AFG2A: variants seen among roughly 807,000 people sequenced by gnomAD.
AFG2A encodes ATPase family gene 2 protein homolog A.
chr4:123,054,284 T>A, the AFG2A span, among the ~76,000 whole-genome samples: 705 of 152,204 alleles, frequency 4.6e-3, 2 homozygotes, highest in South Asian at 0.019. Context: ...GGTTTCACAA[T>A]TGTGGATGGA....
At chr4:123,062,385 AT>A in the AFG2A span, among the ~76,000 whole-genome samples, 1 of 152,276 alleles carries the variant, frequency 6.6e-6, no homozygotes, top group South Asian at 2.1e-4. Flanking sequence ...CAGTACTTTG[AT>A]TTTGTTTTTA....
chr4:123,017,527 C>T, the AFG2A span, among the ~76,000 whole-genome samples: 1 of 144,522 alleles, frequency 6.9e-6, no homozygotes, highest in Non-Finnish European at 1.5e-5. Flanking sequence ...TTACTGCTTC[C>T]TAATCTTGCT....
At chr4:123,101,140 T>A in the AFG2A span, among the ~76,000 whole-genome samples, 1 of 151,930 alleles carries the variant, frequency 6.6e-6, no homozygotes, top group Non-Finnish European at 1.5e-5. Flanking sequence ...GCTTTCTTTT[T>A]GAAAAATTGT....
the AFG2A span, among the ~76,000 whole-genome samples, chr4:122,959,396 A>C: frequency 1.8e-4 from 27 of 152,210 alleles, no homozygotes; most frequent in African/African-American, 6.5e-4. Flanking sequence ...AATAATTCTG[A>C]AAAAAAGTCA....
chr4:123,184,532 C>CTTTGTT, the AFG2A span, among the ~76,000 whole-genome samples: 1 of 89,280 alleles, frequency 1.1e-5, no homozygotes, highest in African/African-American at 4.5e-5. Flanking sequence ...ATGATCATTT[C>CTTTGTT]TTTTTTTTTT....
At chr4:123,128,783 T>G in the AFG2A span, among the ~76,000 whole-genome samples, 1 of 152,154 alleles carries the variant, frequency 6.6e-6, no homozygotes, top group African/African-American at 2.4e-5. Flanking sequence ...GACCTGTGTG[T>G]GATTTCTGGG....
chr4:123,309,734 T>A, the AFG2A span, among the ~76,000 whole-genome samples: 1 of 152,172 alleles, frequency 6.6e-6, no homozygotes, highest in Admixed American at 6.5e-5. Flanking sequence ...CATTGGAGCA[T>A]TTTGGATTTC....
At chr4:123,028,443 A>T in the AFG2A span, 1 of 1,506,294 alleles carries the variant, frequency 6.6e-7, no homozygotes, top group Non-Finnish European at 9.2e-7. Context: ...GCCTCCCCCA[A>T]CCCCCATTCT....
chr4:123,026,554 G>T, the AFG2A span, among the ~76,000 whole-genome samples: 4 of 152,278 alleles, frequency 2.6e-5, no homozygotes, highest in South Asian at 8.3e-4. Flanking sequence ...TGGATTATTT[G>T]TACAACAGAA....
chr4:123,170,591 A>G, the AFG2A span, among the ~76,000 whole-genome samples: 10 of 152,120 alleles, frequency 6.6e-5, no homozygotes, highest in Non-Finnish European at 1.5e-4. Context: ...AGGTAGAAAG[A>G]AAAAAAGTTA....
the AFG2A span, among the ~76,000 whole-genome samples, chr4:123,233,129 C>T: frequency 6.6e-6 from 1 of 152,084 alleles, no homozygotes; most frequent in African/African-American, 2.4e-5. Flanking sequence ...GTGTTAATCG[C>T]ATGACCCACG....
the AFG2A span, among the ~76,000 whole-genome samples, chr4:123,037,801 A>C: frequency 6.6e-6 from 1 of 152,032 alleles, no homozygotes; most frequent in Admixed American, 6.6e-5. Flanking sequence ...GTCTAGCCCC[A>C]AATTAACTTT....
the AFG2A span, among the ~76,000 whole-genome samples, chr4:122,945,266 T>C: frequency 6.6e-5 from 10 of 152,356 alleles, no homozygotes; most frequent in East Asian, 5.8e-4. Context: ...GCAGGCAGGC[T>C]TCCTTGAGCT....
chr4:123,199,239 T>C, the AFG2A span, among the ~76,000 whole-genome samples: 283 of 152,308 alleles, frequency 1.9e-3, no homozygotes, highest in African/African-American at 6.4e-3. Context: ...TAGAGCCTGG[T>C]TAGGAGTATG....
the AFG2A span, among the ~76,000 whole-genome samples, chr4:123,003,089 G>A: frequency 6.6e-6 from 1 of 152,014 alleles, no homozygotes; most frequent in African/African-American, 2.4e-5. Flanking sequence ...TCTTCCAGTT[G>A]ATCGCATCGG....
the AFG2A span, among the ~76,000 whole-genome samples, chr4:123,277,046 C>T: frequency 6.6e-6 from 1 of 152,250 alleles, no homozygotes; most frequent in African/African-American, 2.4e-5. Context: ...ATAGGAATAG[C>T]ACTGAATCTG....
chr4:123,027,929 A>G, the AFG2A span, among the ~76,000 whole-genome samples: 1 of 151,596 alleles, frequency 6.6e-6, no homozygotes, highest in Non-Finnish European at 1.5e-5. Context: ...GATATGCTCA[A>G]TCATTTAAAC....
At chr4:123,114,658 G>C in the AFG2A span, among the ~76,000 whole-genome samples, 1 of 152,176 alleles carries the variant, frequency 6.6e-6, no homozygotes, top group Admixed American at 6.5e-5. Flanking sequence ...GGAGACCCAG[G>C]CCCACAGCCA....
the AFG2A span, among the ~76,000 whole-genome samples, chr4:123,257,747 C>T: frequency 6.6e-6 from 1 of 152,124 alleles, no homozygotes; most frequent in African/African-American, 2.4e-5. Flanking sequence ...CAGGAAACAG[C>T]AAGAGGAAGA....
Sources: gnomAD v4.1 joint callset for allele counts (sites outside exome capture counted in the v4.1 genomes callset) on GRCh38, gnomAD v4.1.1 for gene constraint, MANE v1.5 for transcripts, NCBI Gene and HGNC (gene_info 2026-07-23, HGNC 2026-07-21) for gene names.